Variants in INTS15 observed in about 807,000 individuals in gnomAD.
INTS15 encodes the protein uncharacterized protein C7orf26.
the INTS15 span, chr7:6,591,506 C>T: frequency 7.7e-6 from 5 of 652,812 alleles, no homozygotes; most frequent in African/African-American, 1.8e-5. Flanking sequence ...CCTCGTGATT[C>T]GCCCACCTTG....
the INTS15 span, chr7:6,600,381 T>G: frequency 1.3e-6 from 2 of 1,594,324 alleles, no homozygotes; most frequent in African/African-American, 2.7e-5. Context: ...GGCCCAGGCC[T>G]CCTGGTGCGG....
the INTS15 span, among the ~76,000 whole-genome samples, chr7:6,596,074 CAG>C: frequency 1.3e-5 from 2 of 150,240 alleles, no homozygotes; most frequent in African/African-American, 2.5e-5. Flanking sequence ...TTTTTTGAGA[CAG>C]AGTCTCCCTC....
the INTS15 span, chr7:6,607,859 C>A: frequency 6.5e-7 from 1 of 1,540,914 alleles, no homozygotes. This position sits in a 1 kb window ranked among gnomAD's most constrained non-coding sequence, Gnocchi z 6.0. Context: ...TGTGTCGGTG[C>A]CTCTCCTGGG....
At chr7:6,607,475 C>G in the INTS15 span, 1 of 1,247,036 alleles carries the variant, frequency 8.0e-7, no homozygotes, top group Admixed American at 2.3e-5. This position sits in a 1 kb window ranked among gnomAD's most constrained non-coding sequence, Gnocchi z 6.0. Context: ...AGGTCTGTAA[C>G]GGCTGGGTCC....
the INTS15 span, chr7:6,608,079 C>G: frequency 1.5e-5 from 23 of 1,570,026 alleles, no homozygotes; most frequent in East Asian, 2.5e-4. Context: ...CCGGCCCACC[C>G]CGCCGCCCAC....
the INTS15 span, among the ~76,000 whole-genome samples, chr7:6,594,902 G>A: frequency 3.5e-4 from 53 of 151,706 alleles, no homozygotes; most frequent in African/African-American, 1.2e-3. Context: ...TTTTTTGTGC[G>A]TTTTTAGTAG....
the INTS15 span, chr7:6,607,932 G>A: frequency 1.9e-6 from 3 of 1,597,104 alleles, no homozygotes; most frequent in South Asian, 1.1e-5. The surrounding 1 kb of genome is among the most constrained non-coding windows in gnomAD (Gnocchi z 6.0). Flanking sequence ...GAGCCCGCCC[G>A]CGCTGACGCT....
chr7:6,602,591 GT>G, the INTS15 span: 1 of 438,332 alleles, frequency 2.3e-6, no homozygotes, highest in Admixed American at 2.5e-5. Context: ...CACTTGGGAA[GT>G]CTCTTGACCT....
At chr7:6,596,573 T>C in the INTS15 span, among the ~76,000 whole-genome samples, 1 of 151,298 alleles carries the variant, frequency 6.6e-6, no homozygotes, top group Non-Finnish European at 1.5e-5. Flanking sequence ...GAGATGGGGT[T>C]TCACCATGTT....
chr7:6,593,400 G>A, the INTS15 span, among the ~76,000 whole-genome samples: 60 of 145,502 alleles, frequency 4.1e-4, no homozygotes, highest in African/African-American at 1.4e-3. Flanking sequence ...GCGCGATCTC[G>A]GCTCACTGCA....
chr7:6,593,561 C>T, the INTS15 span, among the ~76,000 whole-genome samples: 5 of 151,646 alleles, frequency 3.3e-5, no homozygotes, highest in Non-Finnish European at 7.4e-5. Context: ...GTCTCGATCT[C>T]CTGACCTTGT....
chr7:6,607,850 G>C, the INTS15 span: 1 of 1,532,722 alleles, frequency 6.5e-7, no homozygotes, highest in Non-Finnish European at 8.7e-7. The surrounding 1 kb of genome is among the most constrained non-coding windows in gnomAD (Gnocchi z 6.0). Context: ...GTCCGTGCCT[G>C]TGTCGGTGCC....
chr7:6,590,610 G>T, the INTS15 span: 2 of 1,391,846 alleles, frequency 1.4e-6, no homozygotes, highest in Non-Finnish European at 1.9e-6. Flanking sequence ...CCTCGCTCCT[G>T]CAGCAGCCCC....
chr7:6,599,913 T>A, the INTS15 span: 1 of 1,614,238 alleles, frequency 6.2e-7, no homozygotes, highest in Non-Finnish European at 8.5e-7. Flanking sequence ...ATCACTTTTT[T>A]AAATACTCCG....
At chr7:6,600,057 A>C in the INTS15 span, 3 of 1,614,112 alleles carry the variant, frequency 1.9e-6, no homozygotes, top group African/African-American at 4.0e-5. Flanking sequence ...GTCAGCAACA[A>C]GGTCACAAAG....
chr7:6,607,284 G>C, the INTS15 span, among the ~76,000 whole-genome samples: 26 of 152,228 alleles, frequency 1.7e-4, no homozygotes, highest in South Asian at 2.1e-4. This position sits in a 1 kb window ranked among gnomAD's most constrained non-coding sequence, Gnocchi z 6.0. Context: ...CCACCAGGAC[G>C]GGAGGTCCAG....
At chr7:6,605,860 A>G in the INTS15 span, among the ~76,000 whole-genome samples, 9 of 151,802 alleles carry the variant, frequency 5.9e-5, no homozygotes, top group Non-Finnish European at 1.3e-4. Flanking sequence ...CACCACGCCC[A>G]GCTAATTTTT....
At chr7:6,595,523 C>A in the INTS15 span, among the ~76,000 whole-genome samples, 51 of 152,164 alleles carry the variant, frequency 3.4e-4, no homozygotes, top group African/African-American at 1.2e-3. Flanking sequence ...TGGACGTGTG[C>A]AGTTTGCTAA....
At chr7:6,607,691 C>T in the INTS15 span, 3 of 1,526,596 alleles carry the variant, frequency 2.0e-6, no homozygotes, top group South Asian at 3.6e-5. The surrounding 1 kb of genome is among the most constrained non-coding windows in gnomAD (Gnocchi z 6.0). Context: ...GACGTGGAGG[C>T]CACCTGTGTG....
Sources: gnomAD v4.1 joint callset for allele counts (sites outside exome capture counted in the v4.1 genomes callset) on GRCh38, gnomAD v4.1.1 for gene constraint, Gnocchi (gnomAD v3.1) non-coding constraint, MANE v1.5 for transcripts, NCBI Gene and HGNC (gene_info 2026-07-23, HGNC 2026-07-21) for gene names.